KIAA0825: variants seen among roughly 807,000 people sequenced by gnomAD.
KIAA0825 encodes KIAA0825.
KIAA0825 carries 119 observed loss-of-function variants against 147.6 expected under a neutral mutation model. The ratio of observed to expected loss-of-function variants is 0.81; its 90% CI spans 0.69 to 0.94. KIAA0825 has a LOEUF of 0.94. Ranked by LOEUF, KIAA0825 falls within the 40% of genes least tolerant of loss-of-function variation. The pLI is 0.00. For missense variants in KIAA0825, 1,381 were observed against 1,472.7 expected, an observed-to-expected ratio of 0.94 and a Z score of 1.02; for synonymous variants, 470 against 518.1, an observed-to-expected ratio of 0.91 and a Z score of 1.26.
chr5:94,417,282 A>G lies in KIAA0825; in HGVS notation c.2581T>C (p.Phe861Leu). The change falls in exon 15 of 21, where the codon TTT becomes CTT. Residue 861 changes from phenylalanine (F) to leucine (L), a missense_variant. Coordinates refer to ENST00000682413, the MANE Select transcript of KIAA0825 (RefSeq NM_001145678.3). Reference sequence around the variant, plus strand: ...ACGTTTGCAAATGTTTGTGGAGAAAAACTGCAATGGTACAATATTTTAAAG... The same window carrying G: ...ACGTTTGCAAATGTTTGTGGAGAAAGACTGCAATGGTACAATATTTTAAAG... The part of the protein sequence containing the change: ...AIFKILYHCS[F>L]SPQTFANVFV... 1 of 1,551,068 alleles carries G rather than the reference A, an allele frequency of 6.4e-7. No individual in the cohort carries two copies. Among genetic ancestry groups the G allele is most frequent in the Non-Finnish European group, 8.7e-7 (1 of 1,146,582 alleles).
At chr5:94,345,034 A>G (rs1782836859) in intron 20 of KIAA0825, among the ~76,000 whole-genome samples, 1 of 152,184 alleles carries the variant, frequency 6.6e-6, no homozygotes, top group Admixed American at 6.5e-5. Context: ...GCTGAACTAT[A>G]CAGTTTAAAA....
At chr5:94,288,467 T>C (rs1468524816) in intron 20 of KIAA0825, among the ~76,000 whole-genome samples, 2 of 152,262 alleles carry the variant, frequency 1.3e-5, no homozygotes, top group South Asian at 2.1e-4. Context: ...CTGAACAACA[T>C]AGACACTGGA....
At chr5:94,192,354 C>T (rs1770746045) in intron 20 of KIAA0825, among the ~76,000 whole-genome samples, 1 of 152,074 alleles carries the variant, frequency 6.6e-6, no homozygotes, top group African/African-American at 2.4e-5. Flanking sequence ...TCCCCAGTGC[C>T]CTGATAGCCA....
chr5:94,588,555 T>C (rs1339613740), intron 1 of KIAA0825, among the ~76,000 whole-genome samples: 1 of 152,164 alleles, frequency 6.6e-6, no homozygotes, highest in East Asian at 1.9e-4. Context: ...CTGGAGAGGA[T>C]GTGGAGAAAT....
chr5:94,334,485 A>AT (rs141758320), intron 20 of KIAA0825, among the ~76,000 whole-genome samples: 3,518 of 152,202 alleles, frequency 0.023, 155 homozygotes, highest in African/African-American at 0.081. Flanking sequence ...AATTTTTTTA[A>AT]TTTTTTTATT....
intron 5 of KIAA0825, among the ~76,000 whole-genome samples, chr5:94,498,279 T>C (rs779816588): frequency 6.6e-6 from 1 of 152,198 alleles, no homozygotes; most frequent in Non-Finnish European, 1.5e-5. Context: ...CTTCTTTTGC[T>C]CTTCTAATAA....
chr5:94,364,529 C>T (rs1045703201), intron 20 of KIAA0825, among the ~76,000 whole-genome samples: 4 of 151,944 alleles, frequency 2.6e-5, no homozygotes, highest in Non-Finnish European at 5.9e-5. Flanking sequence ...CTACAGGCAC[C>T]TGACACCACG....
At chr5:94,285,673 T>C (rs1293060698) in intron 20 of KIAA0825, among the ~76,000 whole-genome samples, 1 of 152,164 alleles carries the variant, frequency 6.6e-6, no homozygotes, top group African/African-American at 2.4e-5. Context: ...GTCAGCAGGT[T>C]TACACTTCCT....
At chr5:94,176,464 C>T (rs1769115860) in intron 20 of KIAA0825, among the ~76,000 whole-genome samples, 1 of 151,992 alleles carries the variant, frequency 6.6e-6, no homozygotes, top group Non-Finnish European at 1.5e-5. Context: ...GGAGACACCC[C>T]CATCAGTCTA....
At chr5:94,222,363 G>T (rs550286345) in intron 20 of KIAA0825, among the ~76,000 whole-genome samples, 71 of 152,272 alleles carry the variant, frequency 4.7e-4, no homozygotes, top group Admixed American at 1.3e-3. Context: ...AGAGGAGAGA[G>T]GATGGTATAA....
intron 15 of KIAA0825, among the ~76,000 whole-genome samples, chr5:94,412,045 G>T (rs4361499): frequency 6.6e-6 from 1 of 151,934 alleles, no homozygotes; most frequent in Admixed American, 6.6e-5. Context: ...CATAGACAGG[G>T]AGGAAATTTT....
intron 20 of KIAA0825, among the ~76,000 whole-genome samples, chr5:94,365,677 A>G (rs1410378289): frequency 6.6e-6 from 1 of 152,206 alleles, no homozygotes; most frequent in Admixed American, 6.5e-5. Flanking sequence ...TCCTAGATGT[A>G]GGCTGAGCTA....
intron 20 of KIAA0825, among the ~76,000 whole-genome samples, chr5:94,276,460 A>T (rs937807089): frequency 7.2e-5 from 11 of 152,076 alleles, no homozygotes; most frequent in African/African-American, 2.7e-4. Flanking sequence ...AAGACCATTC[A>T]TTACAAGAAG....
At chr5:94,282,383 G>T (rs1777505323) in intron 20 of KIAA0825, among the ~76,000 whole-genome samples, 1 of 151,896 alleles carries the variant, frequency 6.6e-6, no homozygotes, top group South Asian at 2.1e-4. Flanking sequence ...AGAAAGAACT[G>T]TCCTGCTAGA....
chr5:94,465,980 T>C (rs755968074), intron 10 of KIAA0825, among the ~76,000 whole-genome samples: 2 of 152,218 alleles, frequency 1.3e-5, no homozygotes, highest in Non-Finnish European at 2.9e-5. Context: ...AATAGGAAGA[T>C]TAGAATGCAT....
At chr5:94,598,901 C>T (rs1035630405) in intron 1 of KIAA0825, among the ~76,000 whole-genome samples, 7 of 152,088 alleles carry the variant, frequency 4.6e-5, no homozygotes, top group African/African-American at 1.4e-4. Context: ...GATTTCATAT[C>T]TTGGCTATTG....
chr5:94,356,291 T>C (rs939625501), intron 20 of KIAA0825, among the ~76,000 whole-genome samples: 1 of 152,138 alleles, frequency 6.6e-6, no homozygotes, highest in Admixed American at 6.5e-5. Flanking sequence ...TATATTTTAC[T>C]ATTTCACTGA....
chr5:94,174,288 G>T (rs1768890775), intron 20 of KIAA0825, among the ~76,000 whole-genome samples: 1 of 152,144 alleles, frequency 6.6e-6, no homozygotes, highest in African/African-American at 2.4e-5. Flanking sequence ...GATAAATTGA[G>T]ACTCTAAGCA....
chr5:94,478,243 G>A (rs1027502485), intron 6 of KIAA0825, among the ~76,000 whole-genome samples: 4 of 152,078 alleles, frequency 2.6e-5, no homozygotes, highest in African/African-American at 4.8e-5. Flanking sequence ...CATAAAGTGC[G>A]TTAAAGGTAA....
Sources: allele counts gnomAD v4.1 joint callset (sites outside exome capture counted in the v4.1 genomes callset), GRCh38; gene constraint gnomAD v4.1.1; transcripts MANE v1.5; gene names NCBI Gene and HGNC (gene_info 2026-07-23, HGNC 2026-07-21).